Variants in DNAH8 observed in about 807,000 individuals in gnomAD.
DNAH8 encodes the protein dynein axonemal heavy chain 8.
A neutral mutation model predicts 562.1 loss-of-function variants in DNAH8; 382 were observed. The observed-to-expected ratio is 0.68, with a 90% CI of 0.63 to 0.74. DNAH8 has a LOEUF of 0.74. Ranked by LOEUF, DNAH8 falls within the 30% of genes least tolerant of loss-of-function variation. The probability of loss-of-function intolerance (pLI) is 0.00; values close to 1 mark genes in which losing one functional copy is unlikely to be tolerated. For synonymous variants in DNAH8, 1,881 were observed against 1,919.4 expected (o/e 0.98, Z 0.52); for missense variants, 5,203 against 5,620.4 (o/e 0.93, Z 2.37).
At chr6:39,029,278 C>T (rs1033023899) in intron 92 of DNAH8, among the ~76,000 whole-genome samples, 1 of 152,110 alleles carries the variant, frequency 6.6e-6, no homozygotes. Flanking sequence ...GCTCTCTCCT[C>T]TGTCTTTCCA....
At chr6:38,958,669 A>AAAAAG (rs1554145830) in intron 82 of DNAH8, among the ~76,000 whole-genome samples, 4 of 148,026 alleles carry the variant, frequency 2.7e-5, no homozygotes, top group African/African-American at 7.6e-5. Context: ...AAAAAAAAAA[A>AAAAAG]GCCCAGGAAC....
Position 38,967,800 on chromosome 6 carries a change from T to C in DNAH8, c.12452-3792T>C, listed in dbSNP as rs566286713. On this transcript the variant is annotated intron_variant, in intron 82 of 92. Transcript: ENST00000327475. Reference sequence around the variant, plus strand: ...ATCCTAAAATTTGTATGGAAATTCATGGGACCCAAGATAACTAAAACAATC... The same window carrying C: ...ATCCTAAAATTTGTATGGAAATTCACGGGACCCAAGATAACTAAAACAATC... Among the ~76,000 whole-genome samples, 4 of 152,270 alleles carry C rather than the reference T, an allele frequency of 2.6e-5. No homozygotes were observed. The East Asian group carries it at 7.7e-4, about 29-fold the overall frequency.
At chr6:38,759,809 A>C (rs1582927369) in intron 10 of DNAH8, among the ~76,000 whole-genome samples, 1 of 151,462 alleles carries the variant, frequency 6.6e-6, no homozygotes, top group Non-Finnish European at 1.5e-5. Flanking sequence ...AATCCCCCTT[A>C]CCTCTGATGT....
chr6:38,963,205 G>A (rs1386685078), intron 82 of DNAH8, among the ~76,000 whole-genome samples: 2 of 150,652 alleles, frequency 1.3e-5, no homozygotes, highest in Non-Finnish European at 2.9e-5. Flanking sequence ...TGTGTAGGCT[G>A]GGGACTATAG....
chr6:38,867,474 G>A (rs1464473297), intron 47 of DNAH8, among the ~76,000 whole-genome samples: 3 of 151,940 alleles, frequency 2.0e-5, no homozygotes, highest in Admixed American at 6.6e-5. Flanking sequence ...GCCGGGTGCC[G>A]TGGCTCACGT....
chr6:38,991,038 C>T (rs1354411157), intron 88 of DNAH8, among the ~76,000 whole-genome samples: 1 of 152,208 alleles, frequency 6.6e-6, no homozygotes, highest in Non-Finnish European at 1.5e-5. Context: ...TAGTCCCTGG[C>T]CTACTGTTGT....
chr6:39,016,333 C>T (rs967712106), intron 91 of DNAH8, among the ~76,000 whole-genome samples: 13 of 151,958 alleles, frequency 8.6e-5, no homozygotes, highest in South Asian at 2.1e-4. Flanking sequence ...GGGCGGATCA[C>T]GAGGTCAGGA....
chr6:38,982,991 T>C (rs1237212199), intron 86 of DNAH8, among the ~76,000 whole-genome samples: 2 of 152,148 alleles, frequency 1.3e-5, no homozygotes, highest in Non-Finnish European at 2.9e-5. Context: ...AAAAAGGCAT[T>C]ATTATTTATT....
intron 35 of DNAH8, among the ~76,000 whole-genome samples, chr6:38,844,459 T>G (rs1460184562): frequency 1.3e-5 from 2 of 152,260 alleles, no homozygotes; most frequent in Non-Finnish European, 2.9e-5. Flanking sequence ...TAACAACATG[T>G]GTGCACAAAA....
chr6:39,021,841 C>CA (rs1172169755), intron 91 of DNAH8, among the ~76,000 whole-genome samples: 1 of 152,150 alleles, frequency 6.6e-6, no homozygotes, highest in Non-Finnish European at 1.5e-5. Context: ...TACAAAATGC[C>CA]AACCAACTCC....
intron 60 of DNAH8, among the ~76,000 whole-genome samples, 199 bp from the exon 61 acceptor site, chr6:38,898,059 A>T (rs376181930): frequency 6.6e-6 from 1 of 152,132 alleles, no homozygotes; most frequent in African/African-American, 2.4e-5. Context: ...CTAGAAACCA[A>T]CTAATACAGT....
chr6:38,792,903 C>G (rs1416600349), intron 21 of DNAH8, among the ~76,000 whole-genome samples: 1 of 152,064 alleles, frequency 6.6e-6, no homozygotes, highest in Non-Finnish European at 1.5e-5. Flanking sequence ...TTCAGCCTCC[C>G]AAGTAGCTGA....
chr6:38,786,650 C>G (rs1769183755), intron 17 of DNAH8, 115 bp from the exon 18 acceptor site: 1 of 1,054,928 alleles, frequency 9.5e-7, no homozygotes. Context: ...GCATCCAAAA[C>G]ATTTCCTTTG....
chr6:38,748,614 G>A (rs949081606), intron 8 of DNAH8, among the ~76,000 whole-genome samples: 1 of 151,884 alleles, frequency 6.6e-6, no homozygotes, highest in Non-Finnish European at 1.5e-5. Flanking sequence ...TTAATAATAA[G>A]ATAACAGCTC....
chr6:38,877,141 C>T (rs976770234), intron 53 of DNAH8, among the ~76,000 whole-genome samples: 1 of 152,202 alleles, frequency 6.6e-6, no homozygotes, highest in African/African-American at 2.4e-5. Context: ...GATTGCCTCC[C>T]TCTGAGTGCC....
At position 38,823,034 on chromosome 6, in the gene DNAH8, G is replaced by A. The variant is rs768971381; in HGVS notation, c.3720G>A (p.Lys1240=). Residue 1240 remains lysine (K), a splice_region_variant and synonymous_variant, in exon 27 of 93, where the codon AAG becomes AAA. Coordinates refer to ENST00000327475, the MANE Select transcript of DNAH8 (RefSeq NM_001206927.2). ...CAGAGGACCGCGATGTGAAAGTGAA[G>A]GTGTCTTTCTGCTACTTGTGATGTT... ...LWTEDRDVKV[K]EFLANNPSLT... is the part of the protein sequence containing the mutation. 1 of 1,565,578 alleles carries A rather than the reference G, an allele frequency of 6.4e-7. No individual in the cohort carries two copies. Among genetic ancestry groups the A allele is most frequent in the Non-Finnish European group, 8.6e-7 (1 of 1,161,642 alleles).
At chr6:38,956,114 C>A (rs1290112222) in intron 82 of DNAH8, among the ~76,000 whole-genome samples, 1 of 152,184 alleles carries the variant, frequency 6.6e-6, no homozygotes, top group Non-Finnish European at 1.5e-5. Context: ...CTCCAACCAC[C>A]CTCAGCTGAG....
chr6:38,887,095 A>G (rs1486177237), intron 57 of DNAH8, 91 bp downstream of exon 57: 3 of 914,536 alleles, frequency 3.3e-6, no homozygotes, highest in African/African-American at 3.3e-5. Flanking sequence ...GGCTCTGTCT[A>G]AAGTGGGGTT....
At chr6:38,975,503 G>A (rs1763609548) in intron 85 of DNAH8, among the ~76,000 whole-genome samples, 1 of 152,164 alleles carries the variant, frequency 6.6e-6, no homozygotes, top group South Asian at 2.1e-4. Context: ...GGAACTTAAT[G>A]CTCATCCCAG....
Sources: allele counts gnomAD v4.1 joint callset (sites outside exome capture counted in the v4.1 genomes callset), GRCh38; gene constraint gnomAD v4.1.1; transcripts MANE v1.5; gene names NCBI Gene and HGNC (gene_info 2026-07-23, HGNC 2026-07-21).